Variants in NRXN3 observed in about 807,000 individuals in gnomAD.
NRXN3 encodes neurexin 3, also known as neurexin III.
Under a neutral mutation model 137.6 loss-of-function variants are expected in NRXN3, and 32 were observed. The ratio of observed to expected loss-of-function variants is 0.23; its 90% CI spans 0.18 to 0.31. NRXN3 has a LOEUF of 0.31. Among genes scored for constraint, NRXN3 ranks in the 10% least tolerant of loss-of-function variants. NRXN3 has a pLI of 1.00. For synonymous variants in NRXN3, 798 were observed against 784.5 expected (o/e 1.02, Z -0.29); for missense variants, 1,574 against 2,062.5 (o/e 0.76, Z 4.59).
At position 79,569,154 on chromosome 14, in the gene NRXN3, AT is replaced by A. The variant is rs370528290; in HGVS notation, c.3445-94615del. ...ATTGTGTAGCTACTTGTCTAACTGC[AT>A]TTTTTTTTCTTAAGTCTCACCCTGT... On this transcript the variant is annotated intron_variant, in intron 16 of 20. Transcript: ENST00000335750. Among the ~76,000 whole-genome samples the A allele has an allele frequency of 1.3e-3, 202 of 151,458 alleles. 3 individuals carry two copies. In the Middle Eastern group the frequency reaches 0.027, roughly 20 times the overall value.
At chr14:79,831,563 A>G (rs1032833708) in intron 20 of NRXN3, among the ~76,000 whole-genome samples, 1 of 152,206 alleles carries the variant, frequency 6.6e-6, no homozygotes, top group Non-Finnish European at 1.5e-5. Flanking sequence ...TTATTTTGCC[A>G]AACGAGGGTT....
chr14:79,464,246 A>G (rs895965360), intron 15 of NRXN3, among the ~76,000 whole-genome samples: 1 of 152,178 alleles, frequency 6.6e-6, no homozygotes, highest in African/African-American at 2.4e-5. Flanking sequence ...CAAAGTAATC[A>G]TATGCCAGGT....
intron 16 of NRXN3, among the ~76,000 whole-genome samples, chr14:79,469,615 G>C (rs2096473570): frequency 6.6e-6 from 1 of 152,136 alleles, no homozygotes; most frequent in African/African-American, 2.4e-5. Flanking sequence ...GTAGACACTT[G>C]GGTGATACAG....
chr14:78,260,399 A>C (rs1287956280), intron 2 of NRXN3, among the ~76,000 whole-genome samples: 1 of 152,192 alleles, frequency 6.6e-6, no homozygotes, highest in African/African-American at 2.4e-5. Flanking sequence ...GAGGACCACA[A>C]ATGAAGCCAG....
intron 8 of NRXN3, among the ~76,000 whole-genome samples, chr14:78,779,980 C>T (rs914674588): frequency 2.8e-4 from 42 of 151,394 alleles, no homozygotes; most frequent in African/African-American, 8.4e-4. Context: ...TGTATGATCA[C>T]GGGGCCAAAA....
chr14:78,512,362 A>C (rs752089965), intron 4 of NRXN3, among the ~76,000 whole-genome samples: 4 of 152,178 alleles, frequency 2.6e-5, no homozygotes, highest in Non-Finnish European at 4.4e-5. Context: ...CTGATACAGA[A>C]AGGATCACAA....
At chr14:79,563,137 A>T (rs1208995535) in intron 16 of NRXN3, among the ~76,000 whole-genome samples, 1 of 152,168 alleles carries the variant, frequency 6.6e-6, no homozygotes, top group African/African-American at 2.4e-5. Flanking sequence ...CATGAATATT[A>T]ATTCTTTGAA....
intron 20 of NRXN3, among the ~76,000 whole-genome samples, chr14:79,824,331 C>T (rs996573241): frequency 6.6e-6 from 1 of 152,170 alleles, no homozygotes; most frequent in African/African-American, 2.4e-5. Flanking sequence ...TGAATTAAAA[C>T]ATTTGATTAC....
Position 79,601,040 on chromosome 14 carries a change from C to CTTTTT in NRXN3, c.3445-62720_3445-62716dup, listed in dbSNP as rs36044631. 4.8e-4 allele frequency among the ~76,000 whole-genome samples: 45 copies of CTTTTT among 93,402 alleles called. 1 individual carries two copies. The highest frequency in any genetic ancestry group is 5.2e-4 in the Non-Finnish European group (26 of 49,730). The allele number at this position is 93,402 out of a possible 152,430, so 61.3% of individuals were successfully genotyped here. A position where few individuals can be genotyped will look rare whatever the true frequency, so the allele number is the denominator to read the frequency against. Reference sequence around the variant, plus strand: ...AGATTCTTGTTTTTTTCTTTGTTGCCTTTTTTTTTTTTTTTTTTTTTTGAG... The same window carrying CTTTTT: ...AGATTCTTGTTTTTTTCTTTGTTGCCTTTTTTTTTTTTTTTTTTTTTTTTTTTGAG... On this transcript the variant is annotated intron_variant, in intron 16 of 20. Transcript: ENST00000335750.
chr14:79,378,115 A>G (rs2094358936), intron 15 of NRXN3, among the ~76,000 whole-genome samples: 1 of 152,170 alleles, frequency 6.6e-6, no homozygotes, highest in Non-Finnish European at 1.5e-5. Context: ...ATGCCCCATG[A>G]TGTGCCCACT....
intron 8 of NRXN3, among the ~76,000 whole-genome samples, chr14:78,801,560 C>G (rs2098839013): frequency 1.3e-5 from 2 of 152,084 alleles, no homozygotes; most frequent in African/African-American, 2.4e-5. Context: ...GGGAAACCAC[C>G]CCCATGATCC....
intron 17 of NRXN3, among the ~76,000 whole-genome samples, chr14:79,676,721 C>A (rs1240468669): frequency 1.3e-5 from 2 of 151,634 alleles, no homozygotes; most frequent in African/African-American, 4.8e-5. Context: ...TGTATATATA[C>A]CTTAAATATA....
intron 15 of NRXN3, among the ~76,000 whole-genome samples, chr14:79,375,745 G>A (rs2094254678): frequency 6.6e-6 from 1 of 151,726 alleles, no homozygotes; most frequent in Admixed American, 6.6e-5. Flanking sequence ...CCTTCCCTAG[G>A]CATAATATTC....
At chr14:78,820,236 A>G in intron 10 of NRXN3, among the ~76,000 whole-genome samples, 1 of 148,376 alleles carries the variant, frequency 6.7e-6, no homozygotes, top group South Asian at 2.1e-4. Context: ...TAAAGTACAT[A>G]TATACATATA....
intron 15 of NRXN3, among the ~76,000 whole-genome samples, chr14:79,362,891 C>T (rs1300357779): frequency 6.6e-6 from 1 of 152,134 alleles, no homozygotes; most frequent in Non-Finnish European, 1.5e-5. Context: ...CATTTAGAGT[C>T]CTGGCAGAAC....
At chr14:78,608,127 C>T (rs913912247) in intron 4 of NRXN3, among the ~76,000 whole-genome samples, 1 of 152,172 alleles carries the variant, frequency 6.6e-6, no homozygotes, top group Non-Finnish European at 1.5e-5. Flanking sequence ...AGAAGTTGGA[C>T]TCTGAGAGTC....
At chr14:79,161,919 T>A (rs1174484511) in intron 15 of NRXN3, among the ~76,000 whole-genome samples, 2 of 151,646 alleles carry the variant, frequency 1.3e-5, no homozygotes, top group African/African-American at 2.4e-5. Context: ...AAAATACGAG[T>A]AGAAACAAGT....
chr14:79,115,008 A>T (rs1596111400), intron 15 of NRXN3, among the ~76,000 whole-genome samples: 1 of 151,932 alleles, frequency 6.6e-6, no homozygotes, highest in South Asian at 2.1e-4. Context: ...AAGCTTAATG[A>T]GCCACCGGCA....
intron 15 of NRXN3, among the ~76,000 whole-genome samples, chr14:79,134,846 T>C (rs2058054143): frequency 6.6e-6 from 1 of 152,218 alleles, no homozygotes; most frequent in South Asian, 2.1e-4. Context: ...ACTGATTCTC[T>C]ATTGTAGCTT....
Sources: allele counts gnomAD v4.1 joint callset (sites outside exome capture counted in the v4.1 genomes callset), GRCh38; gene constraint gnomAD v4.1.1; transcripts MANE v1.5; gene names NCBI Gene and HGNC (gene_info 2026-07-23, HGNC 2026-07-21).